UNC5D: variants seen among roughly 807,000 people sequenced by gnomAD.
UNC5D encodes the protein unc-5 netrin receptor D, also known as netrin receptor UNC5D.
Under a neutral mutation model 105.4 loss-of-function variants are expected in UNC5D, and 39 were observed. The observed-to-expected ratio is 0.37, with a 90% confidence interval of 0.29 to 0.48. UNC5D has a LOEUF of 0.48. UNC5D is among the 20% of genes least tolerant of loss of function. UNC5D has a pLI of 0.98. For synonymous variants in UNC5D, 452 were observed against 450.4 expected (o/e 1.00, Z -0.04); for missense variants, 991 against 1,202.4 (o/e 0.82, Z 2.60).
intron 1 of UNC5D, among the ~76,000 whole-genome samples, chr8:35,399,231 G>A (rs192152277): frequency 6.7e-4 from 101 of 151,338 alleles, no homozygotes; most frequent in Admixed American, 4.1e-3. Flanking sequence ...CTGACCTCCT[G>A]GAAGTGGTAA....
chr8:35,487,209 G>A (rs1445733938), intron 1 of UNC5D, among the ~76,000 whole-genome samples: 3 of 145,862 alleles, frequency 2.1e-5, no homozygotes, highest in African/African-American at 7.3e-5. Flanking sequence ...ATTGCATGAC[G>A]GTTAGTTCTT....
chr8:35,493,005 G>A (rs181603530), intron 1 of UNC5D, among the ~76,000 whole-genome samples: 31 of 152,156 alleles, frequency 2.0e-4, no homozygotes, highest in South Asian at 1.9e-3. Flanking sequence ...GGTGGGGATC[G>A]TAAGACAATT....
intron 4 of UNC5D, among the ~76,000 whole-genome samples, chr8:35,632,145 G>A (rs2131083429): frequency 6.6e-6 from 1 of 152,334 alleles, no homozygotes; most frequent in East Asian, 1.9e-4. Flanking sequence ...GGTGAAACCA[G>A]TGTCAAATCT....
At chr8:35,580,121 G>T (rs1191682864) in intron 3 of UNC5D, among the ~76,000 whole-genome samples, 1 of 152,142 alleles carries the variant, frequency 6.6e-6, no homozygotes, top group African/African-American at 2.4e-5. Flanking sequence ...CCATTAAGTA[G>T]GTTATGAATA....
intron 1 of UNC5D, among the ~76,000 whole-genome samples, chr8:35,419,950 G>A (rs932746961): frequency 6.6e-6 from 1 of 152,162 alleles, no homozygotes; most frequent in African/African-American, 2.4e-5. Flanking sequence ...GGAGAAAGCA[G>A]ATAGCCCCAG....
chr8:35,642,495 A>G (rs1251343178), intron 4 of UNC5D, among the ~76,000 whole-genome samples: 8 of 147,094 alleles, frequency 5.4e-5, no homozygotes. Context: ...CCCTGAGACA[A>G]ACCATAGTCA....
chr8:35,732,182 A>G (rs1829227275), intron 11 of UNC5D, among the ~76,000 whole-genome samples: 4 of 152,234 alleles, frequency 2.6e-5, no homozygotes, highest in African/African-American at 9.6e-5. Flanking sequence ...AAAAACAGCC[A>G]GAGAAACAGA....
chr8:35,570,713 G>A (rs7842020), intron 3 of UNC5D, among the ~76,000 whole-genome samples: 26,441 of 151,826 alleles, frequency 0.17, 2,490 homozygotes, highest in South Asian at 0.28. Flanking sequence ...CAGCACTTTC[G>A]GAGGCCAAGG....
intron 16 of UNC5D, among the ~76,000 whole-genome samples, chr8:35,778,475 T>C (rs895694534): frequency 6.6e-6 from 1 of 152,196 alleles, no homozygotes; most frequent in African/African-American, 2.4e-5. Context: ...TAATAGTAAA[T>C]GTTTTAATAC....
At chr8:35,421,488 G>A (rs975323994) in intron 1 of UNC5D, among the ~76,000 whole-genome samples, 5 of 152,148 alleles carry the variant, frequency 3.3e-5, no homozygotes, top group South Asian at 2.1e-4. Context: ...ATATTCAGGC[G>A]ATAAGTACAG....
chr8:35,272,739 A>G (rs1014729638), intron 1 of UNC5D, among the ~76,000 whole-genome samples: 7 of 152,294 alleles, frequency 4.6e-5, no homozygotes, highest in Middle Eastern at 3.4e-3. Flanking sequence ...CCACTTCTAC[A>G]TAAGATTGCA....
chr8:35,744,693 G>T (rs1829918634), intron 11 of UNC5D, among the ~76,000 whole-genome samples: 1 of 152,078 alleles, frequency 6.6e-6, no homozygotes, highest in African/African-American at 2.4e-5. Flanking sequence ...AAGTATTTTT[G>T]AGTGCTTACA....
rs144202340 is a variant in UNC5D, at chr8:35,253,990, G to A, written c.103+18103G>A. Among the ~76,000 whole-genome samples the A allele has an allele frequency of 1.9e-3, 289 of 152,106 alleles. 1 individual carries two copies. Among genetic ancestry groups the A allele is most frequent in the Non-Finnish European group, 3.0e-3 (207 of 68,016 alleles). ...TTTTATTTCCTACTGTTCCCTTCAC[G>A]TACTCTCTACTGAACTAAACTCTGT... On this transcript the variant is annotated intron_variant, in intron 1 of 16. Coordinates refer to ENST00000404895, the MANE Select transcript of UNC5D (RefSeq NM_080872.4).
intron 1 of UNC5D, among the ~76,000 whole-genome samples, chr8:35,354,365 G>A (rs1417206727): frequency 1.3e-5 from 2 of 152,034 alleles, no homozygotes; most frequent in Non-Finnish European, 2.9e-5. Flanking sequence ...GAATTTTTAT[G>A]AGTTTATGAC....
intron 4 of UNC5D, among the ~76,000 whole-genome samples, chr8:35,652,278 A>G (rs899018940): frequency 2.6e-5 from 4 of 152,202 alleles, no homozygotes; most frequent in Non-Finnish European, 1.5e-5. Flanking sequence ...AAACATAAAA[A>G]CATTAATTGC....
chr8:35,502,395 A>C (rs1457109247), intron 1 of UNC5D, among the ~76,000 whole-genome samples: 1 of 152,230 alleles, frequency 6.6e-6, no homozygotes, highest in Non-Finnish European at 1.5e-5. Flanking sequence ...CAGGACTGCC[A>C]TTACCATCCT....
intron 3 of UNC5D, among the ~76,000 whole-genome samples, chr8:35,584,527 G>A (rs1818660947): frequency 6.6e-6 from 1 of 152,064 alleles, no homozygotes; most frequent in South Asian, 2.1e-4. Flanking sequence ...CGATTCTCCT[G>A]TCTCAGCCTC....
intron 14 of UNC5D, 73 bp from the exon 15 acceptor site, chr8:35,766,829 A>G: frequency 6.7e-7 from 1 of 1,493,308 alleles, no homozygotes; most frequent in South Asian, 1.4e-5. Context: ...CATCATCACT[A>G]TTAAGTCTCT....
intron 7 of UNC5D, among the ~76,000 whole-genome samples, chr8:35,689,573 GC>G: frequency 6.6e-6 from 1 of 152,338 alleles, no homozygotes; most frequent in South Asian, 2.1e-4. Flanking sequence ...CCCAGTTCAA[GC>G]CCAAAAGTTG....
Sources: gnomAD v4.1 joint callset for allele counts (sites outside exome capture counted in the v4.1 genomes callset) on GRCh38, gnomAD v4.1.1 for gene constraint, MANE v1.5 for transcripts, NCBI Gene and HGNC (gene_info 2026-07-23, HGNC 2026-07-21) for gene names.